Variants in FBXO4 observed in about 807,000 individuals in gnomAD.
The protein encoded by FBXO4 is F-box only protein 4.
Under a neutral mutation model 43.7 loss-of-function variants are expected in FBXO4, and 36 were observed. That is an observed-to-expected ratio of 0.82 (90% CI 0.63 to 1.09). FBXO4 has a LOEUF of 1.09. Among genes scored for constraint, FBXO4 ranks in the 50% least tolerant of loss-of-function variants. FBXO4 has a pLI of 0.00. For missense variants in FBXO4, 435 were observed against 474.1 expected (o/e 0.92, Z 0.77); for synonymous variants, 180 against 165.6 (o/e 1.09, Z -0.67).
the FBXO4 span, among the ~76,000 whole-genome samples, chr5:41,954,398 T>G: frequency 6.6e-6 from 1 of 152,230 alleles, no homozygotes; most frequent in African/African-American, 2.4e-5. Flanking sequence ...AATTCTCCTT[T>G]TTCTACTTCA....
At chr5:41,982,926 T>C in the FBXO4 span, among the ~76,000 whole-genome samples, 2 of 152,164 alleles carry the variant, frequency 1.3e-5, no homozygotes, top group Non-Finnish European at 2.9e-5. Flanking sequence ...TGTCCATCTG[T>C]TCTCATTGTT....
At chr5:41,931,057 T>C (rs779529813) in intron 3 of FBXO4, among the ~76,000 whole-genome samples, 39 of 152,192 alleles carry the variant, frequency 2.6e-4, no homozygotes, top group Admixed American at 6.5e-4. Flanking sequence ...AAGACACATA[T>C]GTACCATGCT....
At chr5:41,969,696 T>G in the FBXO4 span, among the ~76,000 whole-genome samples, 2 of 152,168 alleles carry the variant, frequency 1.3e-5, no homozygotes, top group African/African-American at 2.4e-5. Flanking sequence ...AATGGTGAGT[T>G]GCACACCTTA....
At chr5:41,938,847 A>G (rs1751921184) in intron 5 of FBXO4, among the ~76,000 whole-genome samples, 1 of 152,182 alleles carries the variant, frequency 6.6e-6, no homozygotes, top group Admixed American at 6.5e-5. Flanking sequence ...ATTCCTTCCC[A>G]TGTGACTCCC....
At chr5:42,030,316 A>G in the FBXO4 span, among the ~76,000 whole-genome samples, 2 of 152,218 alleles carry the variant, frequency 1.3e-5, no homozygotes, top group Admixed American at 6.6e-5. Flanking sequence ...GTCTACAACC[A>G]TCTGATCTTT....
At chr5:41,994,940 C>T in the FBXO4 span, among the ~76,000 whole-genome samples, 1 of 152,096 alleles carries the variant, frequency 6.6e-6, no homozygotes, top group South Asian at 2.1e-4. Context: ...GCCCATGAAT[C>T]CTGGCCATGG....
At chr5:41,937,161 A>T (rs1252316220) in intron 5 of FBXO4, among the ~76,000 whole-genome samples, 1 of 152,194 alleles carries the variant, frequency 6.6e-6, no homozygotes, top group Admixed American at 6.5e-5. Flanking sequence ...ACAACAAACC[A>T]CAGATTGAAG....
At chr5:41,930,183 C>T in intron 3 of FBXO4, 1 of 379,342 alleles carries the variant, frequency 2.6e-6, no homozygotes, top group South Asian at 5.2e-5. Context: ...TGCATTTGTA[C>T]AGTGGGATAT....
At chr5:42,011,687 G>C in the FBXO4 span, among the ~76,000 whole-genome samples, 1 of 152,132 alleles carries the variant, frequency 6.6e-6, no homozygotes, top group Admixed American at 6.5e-5. Context: ...ATAACTCTAA[G>C]GAAGGGTTTC....
chr5:41,937,781 G>T lies in FBXO4; in HGVS notation c.899-1660G>T, dbSNP rs536708859. The stretch of plus-strand genomic sequence containing the variant: ...TACTTGGCAGAAGGCAGAAAGGGAA[G>T]CGGGAGACAAACATTGCATTCTCAC... On this transcript the variant is annotated intron_variant, in intron 5 of 6. Transcript: ENST00000281623. 1.2e-4 allele frequency among the ~76,000 whole-genome samples: 18 copies of T among 152,362 alleles called. No homozygotes were observed. The South Asian group carries it at 3.7e-3, about 32-fold the overall frequency.
the FBXO4 span, among the ~76,000 whole-genome samples, chr5:42,004,938 G>A: frequency 2.0e-5 from 3 of 152,084 alleles, no homozygotes; most frequent in Admixed American, 2.0e-4. Flanking sequence ...CTGAGGGACG[G>A]AGGCATTGAT....
At chr5:41,983,658 A>T in the FBXO4 span, among the ~76,000 whole-genome samples, 1 of 151,854 alleles carries the variant, frequency 6.6e-6, no homozygotes, top group South Asian at 2.1e-4. Context: ...ATTTTGTTTA[A>T]TTTTTTTAGG....
At chr5:41,958,419 A>T in the FBXO4 span, among the ~76,000 whole-genome samples, 2 of 152,006 alleles carry the variant, frequency 1.3e-5, no homozygotes, top group African/African-American at 4.8e-5. Context: ...AGGCGTGAGC[A>T]GCCCTGCCAG....
rs750370317 is a variant in FBXO4 at position 41,927,087 on chromosome 5, T to C, written c.264T>C (p.Tyr88=). 5 of 1,613,944 alleles carry C rather than the reference T, an allele frequency of 3.1e-6. No individual in the cohort carries two copies. The highest frequency in any genetic ancestry group is 4.2e-6 in the Non-Finnish European group (5 of 1,179,918). The change falls in exon 2 of 7, where the codon TAT becomes TAC. Residue 88 remains tyrosine, a synonymous_variant. Transcript: ENST00000281623. The part of the protein sequence containing the change: ...DLCQLGSTNH[Y]WNETVRDPIL... ...GTCAGTTGGGAAGTACAAATCATTATTGGAATGAAACTGTAAGAGATCCAA... is the reference window on the plus strand; with the variant it reads ...GTCAGTTGGGAAGTACAAATCATTACTGGAATGAAACTGTAAGAGATCCAA...
chr5:41,992,676 T>C, the FBXO4 span, among the ~76,000 whole-genome samples: 1 of 152,234 alleles, frequency 6.6e-6, no homozygotes, highest in Non-Finnish European at 1.5e-5. Flanking sequence ...ATTGGGGAGA[T>C]ATTTTTAGAT....
At chr5:41,936,196 G>C (rs1218323398) in intron 5 of FBXO4, among the ~76,000 whole-genome samples, 1 of 152,234 alleles carries the variant, frequency 6.6e-6, no homozygotes, top group African/African-American at 2.4e-5. Flanking sequence ...AAGGCAGTCA[G>C]TTGAACTGGA....
the FBXO4 span, among the ~76,000 whole-genome samples, chr5:42,027,070 T>C: frequency 6.6e-6 from 1 of 151,898 alleles, no homozygotes; most frequent in East Asian, 1.9e-4. Context: ...ATAGAATGAG[T>C]TTGAAAGCAC....
chr5:41,988,119 G>C, the FBXO4 span, among the ~76,000 whole-genome samples: 3 of 151,918 alleles, frequency 2.0e-5, no homozygotes, highest in Non-Finnish European at 4.4e-5. Context: ...GGTAACATGT[G>C]GGGGGGAGAG....
the FBXO4 span, among the ~76,000 whole-genome samples, chr5:41,953,566 C>A: frequency 1.3e-4 from 20 of 150,534 alleles, no homozygotes; most frequent in Admixed American, 6.6e-5. Context: ...CCTGAGGAAT[C>A]GCCACACTGA....
Sources: gnomAD v4.1 joint callset for allele counts (sites outside exome capture counted in the v4.1 genomes callset) on GRCh38, gnomAD v4.1.1 for gene constraint, MANE v1.5 for transcripts, NCBI Gene and HGNC (gene_info 2026-07-23, HGNC 2026-07-21) for gene names.